SPAG16: variants seen among roughly 807,000 people sequenced by gnomAD.
SPAG16 encodes sperm-associated antigen 16 protein.
A neutral mutation model predicts 80.4 loss-of-function variants in SPAG16; 86 were observed. The ratio of observed to expected loss-of-function variants is 1.07; its 90% CI spans 0.90 to 1.28. The LOEUF (loss-of-function observed/expected upper bound fraction) is 1.28. SPAG16 is among the 50% of genes most tolerant of loss of function. The pLI, the probability that SPAG16 is intolerant of heterozygous loss-of-function variation, is 0.00. For missense variants in SPAG16, 870 were observed against 765.3 expected, an observed-to-expected ratio of 1.14 and a Z score of -1.61; for synonymous variants, 294 against 265.9, an observed-to-expected ratio of 1.11 and a Z score of -1.03.
At chr2:213,954,744 A>G (rs1187239535) in intron 12 of SPAG16, among the ~76,000 whole-genome samples, 1 of 152,170 alleles carries the variant, frequency 6.6e-6, no homozygotes. Context: ...ACTGTTTTCC[A>G]TAGTGCTATT....
chr2:214,314,970 AAG>A (rs1553553194), intron 15 of SPAG16, among the ~76,000 whole-genome samples: 13 of 152,160 alleles, frequency 8.5e-5, no homozygotes, highest in African/African-American at 3.1e-4. Context: ...AAAAAAAAAA[AAG>A]AAGGAATTGG....
chr2:213,778,935 C>T (rs902466324), intron 10 of SPAG16, among the ~76,000 whole-genome samples: 1 of 152,130 alleles, frequency 6.6e-6, no homozygotes, highest in Non-Finnish European at 1.5e-5. Context: ...TATTTCTGCT[C>T]CCCATAAACT....
rs189142114 is a variant in SPAG16 at position 213,979,880 on chromosome 2, G to A, written c.1401-34071G>A. Reference sequence around the variant, plus strand: ...CTATACTGCTTGAGCTTTTGAAATTGTCTATCTTTGCCAGTTTTTCTTTAT... The same window carrying A: ...CTATACTGCTTGAGCTTTTGAAATTATCTATCTTTGCCAGTTTTTCTTTAT... On this transcript the variant is annotated intron_variant, in intron 12 of 15. Coordinates refer to ENST00000331683, the MANE Select transcript of SPAG16 (RefSeq NM_024532.5). 2.8e-3 allele frequency among the ~76,000 whole-genome samples: 423 copies of A among 152,034 alleles called. 3 individuals carry two copies. The highest frequency in any genetic ancestry group is 4.7e-3 in the Non-Finnish European group (321 of 67,964).
chr2:214,261,546 T>C lies in SPAG16; in HGVS notation c.1720+112280T>C, dbSNP rs1185459369. ...GTAAAGTTATAAGTTTGATAGGAAT[T>C]GAGGGGGAGGAGGTAGTGAAAATTA... On this transcript the variant is annotated intron_variant, in intron 15 of 15. Transcript: ENST00000331683. Among the ~76,000 whole-genome samples, 3 of 152,166 alleles carry C rather than the reference T, an allele frequency of 2.0e-5. No homozygotes were observed. The East Asian group carries it at 5.8e-4, about 29-fold the overall frequency.
At chr2:213,383,251 A>C (rs898378892) in intron 9 of SPAG16, among the ~76,000 whole-genome samples, 1 of 152,172 alleles carries the variant, frequency 6.6e-6, no homozygotes, top group African/African-American at 2.4e-5. Context: ...GTAAATACAA[A>C]GATATTATTG....
chr2:213,948,201 C>G (rs2079555999), intron 12 of SPAG16, among the ~76,000 whole-genome samples: 1 of 152,162 alleles, frequency 6.6e-6, no homozygotes, highest in Admixed American at 6.5e-5. Context: ...TCCTGTCTAA[C>G]CTCAAAGTGT....
intron 15 of SPAG16, among the ~76,000 whole-genome samples, chr2:214,293,626 C>T (rs1365112529): frequency 1.3e-5 from 2 of 152,198 alleles, no homozygotes; most frequent in African/African-American, 4.8e-5. Context: ...TATGAGTCTG[C>T]TTCTGGGGAG....
At chr2:213,723,191 A>T (rs1265523769) in intron 10 of SPAG16, among the ~76,000 whole-genome samples, 1 of 152,190 alleles carries the variant, frequency 6.6e-6, no homozygotes, top group Non-Finnish European at 1.5e-5. Context: ...TGTTATAATT[A>T]GATAAGCATT....
intron 10 of SPAG16, among the ~76,000 whole-genome samples, chr2:213,855,149 A>T (rs1370329205): frequency 1.3e-5 from 2 of 152,244 alleles, no homozygotes; most frequent in African/African-American, 4.8e-5. Context: ...GCAAGTGACA[A>T]TAGTTTTAAC....
At chr2:213,855,208 C>T (rs1177752610) in intron 10 of SPAG16, among the ~76,000 whole-genome samples, 1 of 152,222 alleles carries the variant, frequency 6.6e-6, no homozygotes, top group African/African-American at 2.4e-5. Flanking sequence ...TCTTTAGAAA[C>T]TTCAAAATGC....
chr2:213,764,867 C>T (rs1308541610), intron 10 of SPAG16, among the ~76,000 whole-genome samples: 1 of 152,080 alleles, frequency 6.6e-6, no homozygotes, highest in Non-Finnish European at 1.5e-5. Flanking sequence ...CACTTTGTTT[C>T]TCAAAGAATG....
At chr2:213,916,023 A>G (rs183559831) in intron 11 of SPAG16, among the ~76,000 whole-genome samples, 1 of 152,338 alleles carries the variant, frequency 6.6e-6, no homozygotes, top group Non-Finnish European at 1.5e-5. Flanking sequence ...ATCCTTTGTC[A>G]GATGGATAGA....
chr2:213,896,386 G>T (rs1246813545), intron 11 of SPAG16, among the ~76,000 whole-genome samples: 1 of 151,692 alleles, frequency 6.6e-6, no homozygotes, highest in East Asian at 1.9e-4. Flanking sequence ...AGAACAGCAT[G>T]GAGATACCTA....
At chr2:214,059,301 C>A (rs2050135957) in intron 13 of SPAG16, among the ~76,000 whole-genome samples, 1 of 142,310 alleles carries the variant, frequency 7.0e-6, no homozygotes, top group South Asian at 2.2e-4. Flanking sequence ...TAAAAAATTT[C>A]ATCCTCAGAC....
At chr2:213,401,374 C>T (rs372292111) in intron 9 of SPAG16, among the ~76,000 whole-genome samples, 4 of 152,132 alleles carry the variant, frequency 2.6e-5, no homozygotes, top group East Asian at 1.9e-4. Flanking sequence ...TGTTTATTTC[C>T]GTTGTTTTGC....
chr2:213,483,505 T>C (rs2073845724), intron 9 of SPAG16, among the ~76,000 whole-genome samples: 1 of 152,200 alleles, frequency 6.6e-6, no homozygotes, highest in Non-Finnish European at 1.5e-5. Flanking sequence ...TTTAACTGTT[T>C]GCTAAATTTC....
intron 15 of SPAG16, among the ~76,000 whole-genome samples, chr2:214,346,337 C>T (rs7568072): frequency 0.44 from 66,867 of 152,022 alleles, 19,277 homozygotes; most frequent in African/African-American, 0.82. Flanking sequence ...ACTAATGTGG[C>T]TGAGAACTTT....
At chr2:213,836,857 C>A (rs1966560) in intron 10 of SPAG16, among the ~76,000 whole-genome samples, 4 of 151,754 alleles carry the variant, frequency 2.6e-5, no homozygotes, top group Non-Finnish European at 5.9e-5. Context: ...CAGGTGATCC[C>A]CCGGTCTCAG....
chr2:213,406,225 A>T (rs1575503473), intron 9 of SPAG16, among the ~76,000 whole-genome samples: 2 of 152,284 alleles, frequency 1.3e-5, no homozygotes, highest in African/African-American at 4.8e-5. Context: ...AACTATGTGC[A>T]GTTACTTTAT....
Sources: allele counts gnomAD v4.1 joint callset (sites outside exome capture counted in the v4.1 genomes callset), GRCh38; gene constraint gnomAD v4.1.1; transcripts MANE v1.5; gene names NCBI Gene and HGNC (gene_info 2026-07-23, HGNC 2026-07-21).